Variants in ARHGAP6 observed in about 807,000 individuals in gnomAD.
ARHGAP6 encodes the protein Rho GTPase activating protein 6.
Under a neutral mutation model 55.7 loss-of-function variants are expected in ARHGAP6, and 16 were observed. That is an observed-to-expected ratio of 0.29 (90% CI 0.19 to 0.44). The LOEUF (loss-of-function observed/expected upper bound fraction) is 0.44. ARHGAP6 is among the 20% of genes least tolerant of loss of function. The probability of loss-of-function intolerance (pLI) is 1.00; values close to 1 mark genes in which losing one functional copy is unlikely to be tolerated. For missense variants in ARHGAP6, 698 were observed against 808.9 expected, an observed-to-expected ratio of 0.86 and a Z score of 1.66; for synonymous variants, 382 against 360.9, an observed-to-expected ratio of 1.06 and a Z score of -0.66.
chrX:11,650,496 G>A (rs2052573205), intron 1 of ARHGAP6, among the ~76,000 whole-genome samples: 1 of 111,291 alleles, frequency 9.0e-6, no homozygotes, highest in Admixed American at 9.6e-5. Flanking sequence ...TTCTTGATGA[G>A]GAAAGGCAAA....
At chrX:11,281,256 T>A (rs1461853885) in intron 1 of ARHGAP6, among the ~76,000 whole-genome samples, 3 of 110,911 alleles carry the variant, frequency 2.7e-5, no homozygotes, top group Non-Finnish European at 3.8e-5. Context: ...AGGGGTTACC[T>A]TTGGGGAGAA....
At chrX:11,408,854 C>A (rs2049643181) in intron 1 of ARHGAP6, among the ~76,000 whole-genome samples, 1 of 110,016 alleles carries the variant, frequency 9.1e-6, no homozygotes, top group South Asian at 4.0e-4. Flanking sequence ...AACACAATTT[C>A]ATCACATCTC....
intron 1 of ARHGAP6, among the ~76,000 whole-genome samples, chrX:11,631,230 A>G (rs1158703085): frequency 9.0e-6 from 1 of 111,403 alleles, no homozygotes; most frequent in African/African-American, 3.3e-5. Flanking sequence ...TCTTCCCTCA[A>G]AAAGGTAAAA....
intron 1 of ARHGAP6, among the ~76,000 whole-genome samples, chrX:11,263,860 G>T (rs1213253105): frequency 8.9e-6 from 1 of 111,952 alleles, no homozygotes; most frequent in Non-Finnish European, 1.9e-5. Context: ...ATGAAATGGG[G>T]ATGATGACAG....
intron 1 of ARHGAP6, among the ~76,000 whole-genome samples, chrX:11,616,529 T>C (rs2052166903): frequency 9.0e-6 from 1 of 110,975 alleles, no homozygotes; most frequent in Non-Finnish European, 1.9e-5. Flanking sequence ...GTTTTCACCA[T>C]GTTGGCCAGG....
chrX:11,650,784 G>A (rs1184677682), intron 1 of ARHGAP6, among the ~76,000 whole-genome samples: 1 of 112,296 alleles, frequency 8.9e-6, no homozygotes, highest in Non-Finnish European at 1.9e-5. Context: ...CATTGCAGCA[G>A]AACAACAATA....
At chrX:11,590,801 G>GAAAAGAAAAGAAAAGAA (rs2051801051) in intron 1 of ARHGAP6, among the ~76,000 whole-genome samples, 1 of 23,026 alleles carries the variant, frequency 4.3e-5, no homozygotes. Flanking sequence ...GAAAAGAAAA[G>GAAAAGAAAAGAAAAGAA]AAAAGAAAAG....
chrX:11,197,081 TG>T, intron 2 of ARHGAP6, 85 bp from the exon 3 acceptor site: 1 of 507,539 alleles, frequency 2.0e-6, no homozygotes, highest in Non-Finnish European at 3.3e-6. Context: ...AGCAAAAGCA[TG>T]GCTTTTCTCT....
chrX:11,149,570 G>T (rs1193354229), intron 10 of ARHGAP6, among the ~76,000 whole-genome samples: 2 of 111,668 alleles, frequency 1.8e-5, no homozygotes, highest in African/African-American at 6.5e-5. Context: ...TACTGGTAAA[G>T]TTAGATTTCT....
intron 1 of ARHGAP6, chrX:11,265,694 T>C (rs1265611003): frequency 1.7e-5 from 15 of 871,980 alleles, no homozygotes; most frequent in Non-Finnish European, 2.0e-5. Flanking sequence ...ACCCATAAAT[T>C]ATAATCAGCC....
rs888321196 is a variant in ARHGAP6, at chrX:11,464,292, T to C, written c.588+199949A>G. Among the ~76,000 whole-genome samples the C allele has an allele frequency of 3.8e-4, 43 of 112,318 alleles. 3 individuals are homozygous for C. Among genetic ancestry groups the C allele is most frequent in the Admixed American group, 3.5e-3 (37 of 10,577 alleles). On this transcript the variant is annotated intron_variant, in intron 1 of 12. Coordinates refer to ENST00000337414, the MANE Select transcript of ARHGAP6 (RefSeq NM_013427.3). ...TTTTATTTTAAAAGAAATCACTGCA[T>C]TCAATACAATGTATCTTGCTGAGCT...
chrX:11,553,952 T>G (rs958940496), intron 1 of ARHGAP6, among the ~76,000 whole-genome samples: 2 of 112,271 alleles, frequency 1.8e-5, no homozygotes, highest in South Asian at 7.5e-4. Flanking sequence ...CAGAATGTAC[T>G]ATATTCAAAA....
intron 1 of ARHGAP6, among the ~76,000 whole-genome samples, chrX:11,519,454 T>C (rs1330037993): frequency 9.4e-6 from 1 of 106,336 alleles, no homozygotes; most frequent in Non-Finnish European, 1.9e-5. Context: ...TGTCTGTTCA[T>C]GTCCTTCGCC....
intron 1 of ARHGAP6, among the ~76,000 whole-genome samples, chrX:11,636,501 C>G (rs2052421861): frequency 9.0e-6 from 1 of 111,121 alleles, no homozygotes; most frequent in Non-Finnish European, 1.9e-5. Flanking sequence ...ACAGTAGGTA[C>G]TAGGAAGGCT....
At chrX:11,174,554 C>CT (rs1231582424) in intron 8 of ARHGAP6, among the ~76,000 whole-genome samples, 5 of 82,397 alleles carry the variant, frequency 6.1e-5, no homozygotes, top group African/African-American at 1.7e-4. Context: ...TCCTTCCTTC[C>CT]TTCCTTCCTT....
At chrX:11,174,569 C>CTTT (rs1569241149) in intron 8 of ARHGAP6, among the ~76,000 whole-genome samples, 1 of 59,161 alleles carries the variant, frequency 1.7e-5, no homozygotes, top group Non-Finnish European at 3.1e-5. Context: ...TTCCTTCCTT[C>CTTT]CTTCCTTTCT....
At chrX:11,506,061 G>A (rs1196117845) in intron 1 of ARHGAP6, among the ~76,000 whole-genome samples, 1 of 111,029 alleles carries the variant, frequency 9.0e-6, no homozygotes, top group Non-Finnish European at 1.9e-5. Flanking sequence ...AAAGAACACA[G>A]AAGAGCTTGA....
At chrX:11,458,691 T>C (rs1480452142) in intron 1 of ARHGAP6, among the ~76,000 whole-genome samples, 1 of 112,161 alleles carries the variant, frequency 8.9e-6, no homozygotes, top group East Asian at 2.8e-4. Context: ...CCAATTTCTT[T>C]TATTTAGCAT....
rs772038308 is a variant in ARHGAP6, at chrX:11,269,987, T to A, written c.589-15280A>T. On this transcript the variant is annotated intron_variant, in intron 1 of 12. Coordinates refer to ENST00000337414, the MANE Select transcript of ARHGAP6 (RefSeq NM_013427.3). ...ATTTAAGACCATGAATCTGAAACAGTCAAAACCACAATAAAGAACAACTAA... is the reference window on the plus strand; with the variant it reads ...ATTTAAGACCATGAATCTGAAACAGACAAAACCACAATAAAGAACAACTAA... 6.3e-5 allele frequency among the ~76,000 whole-genome samples: 7 copies of A among 111,914 alleles called. No homozygotes were observed. The East Asian group carries it at 1.7e-3, about 27-fold the overall frequency.
Sources: allele counts gnomAD v4.1 joint callset (sites outside exome capture counted in the v4.1 genomes callset), GRCh38; gene constraint gnomAD v4.1.1; transcripts MANE v1.5; gene names NCBI Gene and HGNC (gene_info 2026-07-23, HGNC 2026-07-21).